The following MYLK variants were observed in gnomAD, a reference collection of about 807,000 sequenced individuals.
MYLK encodes the protein myosin light chain kinase, smooth muscle.
In MYLK, 106 loss-of-function variants were observed where a neutral mutation model predicts 203.4. The ratio of observed to expected loss-of-function variants is 0.52; its 90% CI spans 0.45 to 0.61. MYLK has a LOEUF of 0.61. MYLK is among the 20% of genes least tolerant of loss of function. The pLI, the probability that MYLK is intolerant of heterozygous loss-of-function variation, is 0.00. For synonymous variants in MYLK, 867 were observed against 959.5 expected (o/e 0.90, Z 1.78); for missense variants, 2,072 against 2,442.3 (o/e 0.85, Z 3.20).
At chr3:123,753,575 AG>A (rs1208115259) in intron 4 of MYLK, among the ~76,000 whole-genome samples, 4 of 151,974 alleles carry the variant, frequency 2.6e-5, no homozygotes, top group African/African-American at 4.8e-5. Flanking sequence ...GTCAGAGAGA[AG>A]ACATCTCTCA....
chr3:123,660,888 CT>C (rs931564133), intron 23 of MYLK, among the ~76,000 whole-genome samples: 2 of 152,202 alleles, frequency 1.3e-5, no homozygotes, highest in Non-Finnish European at 2.9e-5. Context: ...TAAATCTGAG[CT>C]TCATCCAGGT....
At chr3:123,823,160 C>G (rs6798313) in intron 3 of MYLK, among the ~76,000 whole-genome samples, 2,103 of 152,272 alleles carry the variant, frequency 0.014, 47 homozygotes, top group African/African-American at 0.047. Flanking sequence ...ATGCCATGCT[C>G]TCCTGTTTTT....
intron 32 of MYLK, 66 bp from the exon 33 acceptor site, chr3:123,618,836 A>C: frequency 6.2e-7 from 1 of 1,604,636 alleles, no homozygotes; most frequent in Non-Finnish European, 8.5e-7. Flanking sequence ...CTCTAGCTTA[A>C]AGAAACTAAC....
Position 123,613,650 on chromosome 3 carries a change from C to T in MYLK, c.*455G>A, listed in dbSNP as rs747700241. The T allele has an allele frequency of 5.0e-6, 1 of 200,356 alleles. No individual in the cohort carries two copies. The highest frequency in any genetic ancestry group is 2.4e-5 in the African/African-American group (1 of 41,948). 12.4% of individuals were successfully genotyped at this position (200,356 alleles called of 1,614,324 possible). On this transcript the variant is annotated 3_prime_UTR_variant, in exon 34 of 34. Transcript: ENST00000360304. ...CTTTCAGAAATGAATTGCTGGAGTA[C>T]TGGGAGAAAACCCAGTTCTCTAGAG...
chr3:123,702,741 C>T (rs2061293750), intron 16 of MYLK, among the ~76,000 whole-genome samples: 1 of 152,200 alleles, frequency 6.6e-6, no homozygotes, highest in African/African-American at 2.4e-5. Context: ...GTAATCCCAG[C>T]ACTTTGGGAG....
chr3:123,721,405 A>T (rs820351), intron 13 of MYLK, among the ~76,000 whole-genome samples: 1 of 152,084 alleles, frequency 6.6e-6, no homozygotes, highest in South Asian at 2.1e-4. Flanking sequence ...AAGCACTTCC[A>T]CGGGAACTGT....
intron 2 of MYLK, among the ~76,000 whole-genome samples, 165 bp from the exon 3 acceptor site, chr3:123,831,835 T>C (rs2066340227): frequency 6.6e-6 from 1 of 152,082 alleles, no homozygotes; most frequent in East Asian, 1.9e-4. Context: ...GTGGGGGGGT[T>C]ATACGTTTAG....
chr3:123,676,846 C>A (rs1369958519), intron 20 of MYLK, among the ~76,000 whole-genome samples: 1 of 152,234 alleles, frequency 6.6e-6, no homozygotes, highest in Non-Finnish European at 1.5e-5. Context: ...AAAAGCCCCA[C>A]ATGGATGTCC....
At chr3:123,645,457 C>T (rs1031604348) in intron 27 of MYLK, among the ~76,000 whole-genome samples, 24 of 152,176 alleles carry the variant, frequency 1.6e-4, no homozygotes, top group Admixed American at 1.5e-3. Flanking sequence ...TTACTGGACT[C>T]AACTTTCCTG....
At chr3:123,653,001 G>C (rs1222629395) in intron 24 of MYLK, among the ~76,000 whole-genome samples, 4 of 152,166 alleles carry the variant, frequency 2.6e-5, no homozygotes, top group African/African-American at 9.7e-5. Flanking sequence ...ATGGTGAGTG[G>C]ATGTGGGATG....
intron 19 of MYLK, among the ~76,000 whole-genome samples, chr3:123,688,487 ACCC>A (rs375319222): frequency 3.0e-4 from 46 of 151,808 alleles, no homozygotes; most frequent in African/African-American, 1.1e-3. Context: ...TATTGTGGCA[ACCC>A]CCCATTGTGC....
Position 123,614,056 on chromosome 3 carries a change from A to C in MYLK, c.*49T>G. On this transcript the variant is annotated 3_prime_UTR_variant, in exon 34 of 34. Coordinates refer to ENST00000360304, the MANE Select transcript of MYLK (RefSeq NM_053025.4). ...TTTTTTTTTTTTTTGAGTTTTAGAG[A>C]AATAGTCCTTTTAATATGACTTAGA... 1 of 1,562,762 alleles carries C rather than the reference A, an allele frequency of 6.4e-7. No homozygotes were observed. Among genetic ancestry groups the C allele is most frequent in the Non-Finnish European group, 8.8e-7 (1 of 1,142,162 alleles).
chr3:123,873,863 G>A (rs2032986582), intron 2 of MYLK, among the ~76,000 whole-genome samples: 1 of 151,890 alleles, frequency 6.6e-6, no homozygotes, highest in Non-Finnish European at 1.5e-5. Context: ...TACTAGCAAT[G>A]AACAATTGGA....
rs1560145788 is a variant in MYLK at position 123,733,050 on chromosome 3, C to T, written c.1362G>A (p.Val454=). ...EVAWFLEGTP[V]RRQEGSIEVY... ...CCTCAATGCTGCCTTCCTGTCTCCT[C>T]ACGGGGGTGCCTTCCAGGAACCAGG... Residue 454 remains valine, a synonymous_variant, in exon 11 of 34, where the codon GTG becomes GTA. Transcript: ENST00000360304. 5 of 1,614,130 alleles carry T rather than the reference C, an allele frequency of 3.1e-6. No homozygotes were observed. The East Asian group carries it at 1.1e-4, about 36-fold the overall frequency.
At chr3:123,786,178 C>T (rs2064514101) in intron 4 of MYLK, among the ~76,000 whole-genome samples, 2 of 151,824 alleles carry the variant, frequency 1.3e-5, no homozygotes, top group Non-Finnish European at 1.5e-5. Flanking sequence ...TGGCACGCGC[C>T]TGTAGTCCCA....
intron 20 of MYLK, chr3:123,681,836 T>C (rs538053633): frequency 6.7e-6 from 2 of 298,864 alleles, no homozygotes; most frequent in South Asian, 3.6e-5. Context: ...CCAGGAGTGA[T>C]GAGATCAGAG....
intron 11 of MYLK, among the ~76,000 whole-genome samples, chr3:123,728,582 AAACAACAACAAC>A (rs60294228): frequency 3.8e-4 from 57 of 151,664 alleles, no homozygotes; most frequent in African/African-American, 1.1e-3. Flanking sequence ...CCCAAACAAC[AAACAACAACAAC>A]AACAACAACA....
chr3:123,855,607 C>T (rs573928835), intron 2 of MYLK, among the ~76,000 whole-genome samples: 1 of 151,868 alleles, frequency 6.6e-6, no homozygotes, highest in Admixed American at 6.6e-5. Flanking sequence ...CTACTCTGCT[C>T]TAGCCTTGGT....
Position 123,640,502 on chromosome 3 carries a change from A to G in MYLK, c.4622T>C (p.Val1541Ala), listed in dbSNP as rs1466522531. 1.2e-6 allele frequency: 2 copies of G among 1,613,916 alleles called. No homozygotes were observed. The highest frequency in any genetic ancestry group is 2.2e-5 in the South Asian group (2 of 91,076). The change falls in exon 28 of 34, where the codon GTG becomes GCG. Residue 1541 changes from valine (V) to alanine (A), a missense_variant and splice_region_variant. Transcript: ENST00000360304. This position sits in a 1 kb window ranked among gnomAD's most constrained non-coding sequence, Gnocchi z 4.3. ...GCGCTCAAACAGCTCCCCTCCTGAC[A>G]CGCTGCGGGAACACGTGCACGGGGT... ...KANIVMVLEI[V>A]SGGELFERII...
Sources: gnomAD v4.1 joint callset for allele counts (sites outside exome capture counted in the v4.1 genomes callset) on GRCh38, gnomAD v4.1.1 for gene constraint, Gnocchi (gnomAD v3.1) non-coding constraint, MANE v1.5 for transcripts, NCBI Gene and HGNC (gene_info 2026-07-23, HGNC 2026-07-21) for gene names.